IMPG2: variants seen among roughly 807,000 people sequenced by gnomAD.
IMPG2 encodes interphotoreceptor matrix proteoglycan 2.
A neutral mutation model predicts 129.2 loss-of-function variants in IMPG2; 91 were observed. That is an observed-to-expected ratio of 0.70 (90% confidence interval 0.59 to 0.84). The LOEUF (loss-of-function observed/expected upper bound fraction) is 0.84. Ranked by LOEUF, IMPG2 falls within the 40% of genes least tolerant of loss-of-function variation. IMPG2 has a pLI of 0.00. For synonymous variants in IMPG2, 510 were observed against 517.7 expected (o/e 0.99, Z 0.20); for missense variants, 1,430 against 1,461.7 (o/e 0.98, Z 0.35).
intron 3 of IMPG2, 102 bp downstream of exon 3, chr3:101,304,044 G>A: frequency 1.6e-6 from 2 of 1,223,470 alleles, no homozygotes; most frequent in Non-Finnish European, 2.4e-6. Context: ...CAACAAAAGA[G>A]TAATACAGGC....
At position 101,243,723 on chromosome 3, in the gene IMPG2, T is replaced by C. The variant is rs1164656619; in HGVS notation, c.2608A>G (p.Thr870Ala). The C allele has an allele frequency of 1.2e-6, 2 of 1,613,840 alleles. No homozygotes were observed. The change falls in exon 13 of 19, where the codon ACA (threonine) becomes GCA (alanine). Residue 870 changes from threonine (T) to alanine (A), a missense_variant. Physicochemically the swap from Thr to Ala is moderately conservative, Grantham distance 58. Coordinates refer to ENST00000193391, the MANE Select transcript of IMPG2 (RefSeq NM_016247.4). ...ACCATCTCTGTGGAGTGAACACTTG[T>C]TGACATTTCCACATAACTACCAACC... ...GKVGSYVEMS[T>A]SVHSTEMVSV... is the part of the protein sequence containing the mutation.
Position 101,225,954 on chromosome 3 carries a change from G to A in IMPG2, c.*1015C>T, listed in dbSNP as rs1706217090. 1 of 154,416 alleles carries A rather than the reference G, an allele frequency of 6.5e-6. No homozygotes were observed. The highest frequency in any genetic ancestry group is 2.4e-5 in the African/African-American group (1 of 41,412). The allele number at this position is 154,416 out of a possible 1,614,324, so 9.6% of individuals were successfully genotyped here. A position where few individuals can be genotyped will look rare whatever the true frequency, so the allele number is the denominator to read the frequency against. ...TATAAGCAGGAGTTAATTTAGACAGGAGGTATTACACAAAGGAGAAGCAAT... is the reference window on the plus strand; with the variant it reads ...TATAAGCAGGAGTTAATTTAGACAGAAGGTATTACACAAAGGAGAAGCAAT... On this transcript the variant is annotated 3_prime_UTR_variant, in exon 19 of 19. Transcript: ENST00000193391.
Position 101,304,254 on chromosome 3 carries a change from A to G in IMPG2, c.393T>C (p.Arg131=). The change falls in exon 3 of 19, where the codon CGT becomes CGC. Residue 131 remains arginine (R), a synonymous_variant. Coordinates refer to ENST00000193391, the MANE Select transcript of IMPG2 (RefSeq NM_016247.4). The stretch of plus-strand genomic sequence containing the variant: ...AATTCATCCAGTAATGATATTCCTC[A>G]CGCCCAGGAAGTCGATCCCAAAAAG... ...FRTFWDRLPG[R]EEYHYWMNLC... 6.2e-7 allele frequency: 1 copy of G among 1,613,920 alleles called. No homozygotes were observed. The highest frequency in any genetic ancestry group is 8.5e-7 in the Non-Finnish European group (1 of 1,179,802).
chr3:101,291,453 G>T lies in IMPG2; in HGVS notation c.533+26C>A, dbSNP rs747657359. 7 of 1,602,392 alleles carry T rather than the reference G, an allele frequency of 4.4e-6. No individual in the cohort carries two copies. In the African/African-American group the frequency reaches 9.4e-5, roughly 21 times the overall value. On this transcript the variant is annotated intron_variant, in intron 4 of 18. Coordinates refer to ENST00000193391, the MANE Select transcript of IMPG2 (RefSeq NM_016247.4). ...ATGACACATCTGTGTTGCCAAACAT[G>T]AATTTTGGGAAAAAGAGACACTCAC...
rs368225624 is a variant in IMPG2, at chr3:101,227,011, T to TAA, written c.3714-32_3714-31dup. 4 of 1,577,482 alleles carry TAA rather than the reference T, an allele frequency of 2.5e-6. No homozygotes were observed. The South Asian group carries it at 3.4e-5, about 13-fold the overall frequency. ...CATGAAAACACAAAGAGCAATTCAG[T>TAA]AAAAAAAAAGCAAGAATGTAATAAA... On this transcript the variant is annotated intron_variant, in intron 18 of 18. Coordinates refer to ENST00000193391, the MANE Select transcript of IMPG2 (RefSeq NM_016247.4).
intron 11 of IMPG2, among the ~76,000 whole-genome samples, chr3:101,250,020 G>T (rs1312163127): frequency 6.6e-6 from 1 of 152,090 alleles, no homozygotes. Context: ...TGAGGCTTCA[G>T]TGAGCTATGA....
chr3:101,290,845 G>C (rs185751804), intron 4 of IMPG2, among the ~76,000 whole-genome samples: 55 of 152,194 alleles, frequency 3.6e-4, no homozygotes, highest in African/African-American at 1.2e-3. Flanking sequence ...GACCTGGATT[G>C]CATGCTCTAG....
chr3:101,247,097 T>TA (rs11435767), intron 11 of IMPG2, among the ~76,000 whole-genome samples: 27,956 of 143,266 alleles, frequency 0.2, 2,848 homozygotes, highest in East Asian at 0.32. Flanking sequence ...CATTGTCTCT[T>TA]AAAAAAAAAA....
At chr3:101,300,263 A>G (rs1489222175) in intron 3 of IMPG2, among the ~76,000 whole-genome samples, 1 of 152,164 alleles carries the variant, frequency 6.6e-6, no homozygotes, top group Non-Finnish European at 1.5e-5. Flanking sequence ...CCAGCAGGGG[A>G]AAGACATGGC....
chr3:101,291,586 G>A (rs1191470548), intron 3 of IMPG2, 76 bp from the exon 4 acceptor site: 4 of 988,282 alleles, frequency 4.0e-6, no homozygotes, highest in African/African-American at 1.6e-5. Flanking sequence ...ATTTCATAGA[G>A]ACCACTACTG....
At chr3:101,302,940 A>C (rs1707153576) in intron 3 of IMPG2, among the ~76,000 whole-genome samples, 2 of 152,192 alleles carry the variant, frequency 1.3e-5, no homozygotes, top group South Asian at 4.1e-4. Context: ...CCCATTTAAT[A>C]AGATCATTCC....
At chr3:101,234,784 G>A (rs1447418768) in intron 14 of IMPG2, among the ~76,000 whole-genome samples, 5 of 152,182 alleles carry the variant, frequency 3.3e-5, no homozygotes, top group African/African-American at 1.2e-4. Context: ...GAGCTTCTGA[G>A]ACACTGCATG....
At chr3:101,272,267 C>A (rs1322640136) in intron 7 of IMPG2, among the ~76,000 whole-genome samples, 2 of 152,130 alleles carry the variant, frequency 1.3e-5, no homozygotes, top group African/African-American at 4.8e-5. Context: ...GGGGAGGGAG[C>A]TGGAGGATCC....
chr3:101,273,922 G>T lies in IMPG2; in HGVS notation c.667-180C>A, dbSNP rs145832250. Among the ~76,000 whole-genome samples the T allele has an allele frequency of 9.8e-3, 1,497 of 152,282 alleles. 28 individuals carry two copies. The highest frequency in any genetic ancestry group is 0.034 in the African/African-American group (1,416 of 41,528). ...CTTTAAGACACAGGCTAACAGCCAG[G>T]AGAAGTGGCTCACACCTGTAATCTC... On this transcript the variant is annotated intron_variant, in intron 6 of 18. Coordinates refer to ENST00000193391, the MANE Select transcript of IMPG2 (RefSeq NM_016247.4).
chr3:101,309,830 C>T (rs1707241692), intron 2 of IMPG2, among the ~76,000 whole-genome samples: 1 of 152,080 alleles, frequency 6.6e-6, no homozygotes, highest in Non-Finnish European at 1.5e-5. Context: ...GAAAAATAAA[C>T]AAATGGCCAT....
rs1472812734 is a variant in IMPG2 at position 101,243,569 on chromosome 3, G to A, written c.2762C>T (p.Ser921Phe). The A allele has an allele frequency of 6.2e-7, 1 of 1,613,636 alleles. No homozygotes were observed. Among genetic ancestry groups the A allele is most frequent in the Admixed American group, 1.7e-5 (1 of 59,938 alleles). ...TTGCTCCAGGGCTTTATACTCCAAG[G>A]AGTTTTTATTAAACAGATCTTCTGA... ...MFSEDLFNKN[S>F]LEYKALEQRF... Residue 921 changes from serine (S) to phenylalanine (F), a missense_variant, in exon 13 of 19, where the codon TCC (serine) becomes TTC (phenylalanine). Physicochemically the swap from Ser to Phe is radical, Grantham distance 155. Transcript: ENST00000193391.
At chr3:101,320,199 C>G (rs2058804592) in intron 1 of IMPG2, 89 bp downstream of exon 1, 4 of 794,056 alleles carry the variant, frequency 5.0e-6, no homozygotes, top group Non-Finnish European at 8.6e-6. Context: ...GATTCCATTT[C>G]TTACAGCAAT....
chr3:101,296,291 C>T (rs760939116), intron 3 of IMPG2, among the ~76,000 whole-genome samples: 2 of 152,110 alleles, frequency 1.3e-5, no homozygotes, highest in African/African-American at 4.8e-5. Flanking sequence ...TGAATTTTGT[C>T]GAAGGCCTTT....
chr3:101,244,370 T>C lies in IMPG2; in HGVS notation c.1961A>G (p.Lys654Arg). ...ACTAATTTGGTCTGTGGAATCCATT[T>C]TGTCAACTAAAACTAGTTTCTTGTC... is the stretch of plus-strand genomic sequence containing the variant. ...IEDKKLVLVDKMDSTDQISKH... is the reference protein window; with the variant it reads ...IEDKKLVLVDRMDSTDQISKH... Residue 654 changes from lysine to arginine, a missense_variant, in exon 13 of 19, where the codon AAA (lysine) becomes AGA (arginine). Transcript: ENST00000193391. 1 of 1,614,160 alleles carries C rather than the reference T, an allele frequency of 6.2e-7. No homozygotes were observed. The highest frequency in any genetic ancestry group is 8.5e-7 in the Non-Finnish European group (1 of 1,180,006).
Sources: allele counts gnomAD v4.1 joint callset (sites outside exome capture counted in the v4.1 genomes callset), GRCh38; gene constraint gnomAD v4.1.1; transcripts MANE v1.5; gene names NCBI Gene and HGNC (gene_info 2026-07-23, HGNC 2026-07-21).